The following MALSU1 variants were observed in gnomAD, a reference collection of about 807,000 sequenced individuals.
MALSU1 encodes mitochondrial assembly of ribosomal large subunit 1, also known as mitochondrial assembly of ribosomal large subunit protein 1.
A neutral mutation model predicts 22.1 loss-of-function variants in MALSU1; 22 were observed. That is an observed-to-expected ratio of 1.00 (90% CI 0.71 to 1.42). The LOEUF is 1.42. Among genes scored for constraint, MALSU1 ranks in the 40% most tolerant of loss-of-function variants. MALSU1 has a pLI of 0.00. For synonymous variants in MALSU1, 153 were observed against 118.5 expected (o/e 1.29, Z -1.89); for missense variants, 379 against 308.3 (o/e 1.23, Z -1.72).
At position 23,299,556 on chromosome 7, in the gene MALSU1, G is replaced by C. The variant is rs776808428; in HGVS notation, c.204G>C (p.Glu68Asp). Residue 68 changes from glutamate to aspartate, a missense_variant, in exon 1 of 4, where the codon GAG becomes GAC. By Grantham distance (45) the Glu-to-Asp change is conservative. Transcript: ENST00000466681. ...VRGLHSEPGL[E>D]ERAEGTVNEG... The stretch of plus-strand genomic sequence containing the variant: ...GCCTGCACAGCGAGCCTGGGCTGGA[G>C]GAGCGGGCGGAGGGGACGGTCAACG... The C allele has an allele frequency of 6.8e-6, 11 of 1,609,508 alleles. No individual in the cohort carries two copies. In the African/African-American group the frequency reaches 1.3e-4, roughly 20 times the overall value.
chr7:23,306,947 G>C (rs1783730091), intron 2 of MALSU1, among the ~76,000 whole-genome samples: 1 of 152,092 alleles, frequency 6.6e-6, no homozygotes, highest in South Asian at 2.1e-4. Context: ...TTTGAGTATT[G>C]CATTCTTGTT....
At position 23,303,522 on chromosome 7, in the gene MALSU1, C is replaced by T. The variant is rs1036419163; in HGVS notation, c.435+2505C>T. ...TAGAAATACTGTTCATGAGGCTGGG[C>T]GCAGTGGCTCATGCCTGTAATCCCA... On this transcript the variant is annotated intron_variant, in intron 2 of 3. Transcript: ENST00000466681. Among the ~76,000 whole-genome samples, 12 of 152,192 alleles carry T rather than the reference C, an allele frequency of 7.9e-5. No homozygotes were observed. In the South Asian group the frequency reaches 1.0e-3, roughly 13 times the overall value.
chr7:23,307,932 G>C lies in MALSU1; in HGVS notation c.500G>C (p.Trp167Ser). ...ATAGAAGGGAAGGACACTGATGACT[G>C]GCTGTGCGTGGATTTTGGTAAGTTA... ...VKIEGKDTDD[W>S]LCVDFGSMVI... The change falls in exon 3 of 4, where the codon TGG (tryptophan) becomes TCG (serine). Residue 167 changes from tryptophan (W) to serine (S), a missense_variant. Trp to Ser is a radical substitution (Grantham distance 177). Coordinates refer to ENST00000466681, the MANE Select transcript of MALSU1 (RefSeq NM_138446.2). 1 of 1,613,390 alleles carries C rather than the reference G, an allele frequency of 6.2e-7. No individual in the cohort carries two copies.
chr7:23,300,784 A>C (rs142199504), intron 1 of MALSU1, 55 bp from the exon 2 acceptor site: 31 of 1,465,682 alleles, frequency 2.1e-5, no homozygotes, highest in Admixed American at 8.7e-5. Flanking sequence ...CTCTGGGTGC[A>C]TACACGTCTA....
rs1562659047 is a variant in MALSU1, at chr7:23,309,417, A to AT, written c.580dup (p.Trp194LeufsTer7). The AT allele has an allele frequency of 1.5e-5, 24 of 1,613,736 alleles. No individual in the cohort carries two copies. The highest frequency in any genetic ancestry group is 2.0e-5 in the Non-Finnish European group (24 of 1,179,842). On this transcript the variant is annotated frameshift_variant, in exon 4 of 4. Coordinates refer to ENST00000466681, the MANE Select transcript of MALSU1 (RefSeq NM_138446.2). LOFTEE classifies it high-confidence loss of function. Reference sequence around the variant, plus strand: ...GAGAAATCTATGAATTAGAGAAATTATGGACCCTACGTTCTTATGATGACC... The same window carrying AT: ...GAGAAATCTATGAATTAGAGAAATTATTGGACCCTACGTTCTTATGATGACC...
chr7:23,299,638 C>A (rs749213852), intron 1 of MALSU1, 30 bp downstream of exon 1: 1 of 1,541,814 alleles, frequency 6.5e-7, no homozygotes, highest in Non-Finnish European at 8.8e-7. Context: ...CGAAGGCGAC[C>A]CTCTCCGGGC....
At chr7:23,309,328 C>T in intron 3 of MALSU1, 28 bp from the exon 4 acceptor site, 1 of 1,574,258 alleles carries the variant, frequency 6.4e-7, no homozygotes, top group Non-Finnish European at 8.6e-7. Flanking sequence ...ACTATTCCTT[C>T]ATTGTATCTC....
At chr7:23,307,147 A>G (rs1273046809) in intron 2 of MALSU1, among the ~76,000 whole-genome samples, 1 of 152,214 alleles carries the variant, frequency 6.6e-6, no homozygotes, top group African/African-American at 2.4e-5. Flanking sequence ...TGTTTGGTGT[A>G]CAGTTGCTCA....
chr7:23,305,996 A>G (rs1023464131), intron 2 of MALSU1, among the ~76,000 whole-genome samples: 1 of 152,040 alleles, frequency 6.6e-6, no homozygotes, highest in Non-Finnish European at 1.5e-5. Flanking sequence ...GGAGTTCAAG[A>G]CCAGCCGCAC....
rs757014635 is a variant in MALSU1, at chr7:23,307,927, T to TG, written c.496dup (p.Asp166GlyfsTer24). 8 of 1,613,754 alleles carry TG rather than the reference T, an allele frequency of 5.0e-6. No homozygotes were observed. The highest frequency in any genetic ancestry group is 1.3e-5 in the African/African-American group (1 of 74,926). ...TTAAGATAGAAGGGAAGGACACTGA[T>TG]GACTGGCTGTGCGTGGATTTTGGTA... On this transcript the variant is annotated frameshift_variant, in exon 3 of 4. Transcript: ENST00000466681. LOFTEE classifies it high-confidence loss of function.
chr7:23,303,642 C>CA (rs1441398280), intron 2 of MALSU1, among the ~76,000 whole-genome samples: 1 of 151,128 alleles, frequency 6.6e-6, no homozygotes, highest in Admixed American at 6.6e-5. Context: ...ACAAAAAAGA[C>CA]AAAAAATAAA....
intron 2 of MALSU1, among the ~76,000 whole-genome samples, chr7:23,301,559 G>A (rs954995568): frequency 2.0e-5 from 3 of 152,112 alleles, no homozygotes; most frequent in South Asian, 2.1e-4. Flanking sequence ...TCACCCGGCC[G>A]GAAAATAATA....
chr7:23,299,706 C>T (rs961767701), intron 1 of MALSU1, 98 bp downstream of exon 1: 31 of 1,351,172 alleles, frequency 2.3e-5, no homozygotes, highest in Non-Finnish European at 2.9e-5. Context: ...GTGCATTTCT[C>T]TTGGAGTCAC....
chr7:23,299,676 G>C, intron 1 of MALSU1, 68 bp downstream of exon 1: 1 of 1,491,780 alleles, frequency 6.7e-7, no homozygotes, highest in Admixed American at 2.2e-5. Flanking sequence ...CAGCCAAGGT[G>C]GCTCTGGGTT....
intron 2 of MALSU1, among the ~76,000 whole-genome samples, chr7:23,301,637 G>C (rs993558358): frequency 6.6e-6 from 1 of 152,110 alleles, no homozygotes; most frequent in Non-Finnish European, 1.5e-5. Context: ...TATCCATTAC[G>C]GTAGCCACTA....
rs900471383 is a variant in MALSU1, at chr7:23,303,213, G to A, written c.435+2196G>A. Among the ~76,000 whole-genome samples, 142 of 152,084 alleles carry A rather than the reference G, an allele frequency of 9.3e-4. 4 individuals are homozygous for A. The highest frequency in any genetic ancestry group is 9.1e-3 in the Admixed American group (139 of 15,264). ...ACAATAACTCCCCATTTCTCCTTCC[G>A]TAGGCAGCTACCATTCTACTGCCTG... On this transcript the variant is annotated intron_variant, in intron 2 of 3. Transcript: ENST00000466681.
At position 23,310,926 on chromosome 7, in the gene MALSU1, C is replaced by T. The variant is rs1047696786; in HGVS notation, c.*1383C>T. 19 of 152,086 alleles carry T rather than the reference C, an allele frequency of 1.2e-4. No homozygotes were observed. Among genetic ancestry groups the T allele is most frequent in the Non-Finnish European group, 2.4e-4 (16 of 68,012 alleles). 9.4% of individuals were successfully genotyped at this position (152,086 alleles called of 1,614,324 possible). A position where few individuals can be genotyped will look rare whatever the true frequency, so the allele number is the denominator to read the frequency against. ...ACCACCCACACCCAACACAATTGTA[C>T]GTACTGGGCTTTGCTGTCAAGGAGT... is the stretch of plus-strand genomic sequence containing the variant. On this transcript the variant is annotated 3_prime_UTR_variant, in exon 4 of 4. Transcript: ENST00000466681.
intron 1 of MALSU1, among the ~76,000 whole-genome samples, chr7:23,300,233 A>C (rs1485195903): frequency 1.3e-5 from 2 of 152,162 alleles, no homozygotes; most frequent in African/African-American, 4.8e-5. Context: ...TTAGATTTTC[A>C]TAGGTAACAG....
At chr7:23,308,009 T>C in intron 3 of MALSU1, 60 bp downstream of exon 3, 1 of 1,215,144 alleles carries the variant, frequency 8.2e-7, no homozygotes, top group South Asian at 1.2e-5. Context: ...CTTGAATTGT[T>C]TTCAGTTGCA....
Sources: gnomAD v4.1 joint callset for allele counts (sites outside exome capture counted in the v4.1 genomes callset) on GRCh38, gnomAD v4.1.1 for gene constraint, MANE v1.5 for transcripts, NCBI Gene and HGNC (gene_info 2026-07-23, HGNC 2026-07-21) for gene names.